The following SYNE1 variants were observed in gnomAD, a reference collection of about 807,000 sequenced individuals.
SYNE1 encodes nesprin-1.
SYNE1 carries 616 observed loss-of-function variants against 1,111.0 expected under a neutral mutation model. That is an observed-to-expected ratio of 0.55 (90% CI 0.52 to 0.59). SYNE1 has a LOEUF of 0.59. Ranked by LOEUF, SYNE1 falls within the 20% of genes least tolerant of loss-of-function variation. The pLI, the probability that SYNE1 is intolerant of heterozygous loss-of-function variation, is 0.00. For missense variants in SYNE1, 10,006 were observed against 10,417.0 expected (o/e 0.96, Z 1.72); for synonymous variants, 3,855 against 3,825.8 (o/e 1.01, Z -0.28).
chr6:152,177,878 C>T (rs765201004), intron 129 of SYNE1, among the ~76,000 whole-genome samples: 1 of 152,108 alleles, frequency 6.6e-6, no homozygotes, highest in Non-Finnish European at 1.5e-5. Flanking sequence ...ACACTAATAT[C>T]TTGGCTTCAA....
chr6:152,544,555 A>G (rs200348956), intron 3 of SYNE1, among the ~76,000 whole-genome samples: 3,791 of 151,378 alleles, frequency 0.025, 149 homozygotes, highest in African/African-American at 0.085. Flanking sequence ...AAAAAAAAAA[A>G]GGGTTCTGGC....
rs755883422 is a variant in SYNE1 at position 152,300,722 on chromosome 6, C to T, written c.17601G>A (p.Glu5867=). 3 of 1,614,186 alleles carry T rather than the reference C, an allele frequency of 1.9e-6. No individual in the cohort carries two copies. The highest frequency in any genetic ancestry group is 2.5e-6 in the Non-Finnish European group (3 of 1,180,044). The change falls in exon 93 of 146, where the codon GAG becomes GAA. Residue 5867 remains glutamate, a synonymous_variant. Coordinates refer to ENST00000367255, the MANE Select transcript of SYNE1 (RefSeq NM_182961.4). ...GAGAGGAAATCTCACTGTTGGTTCC[C>T]TCCTCCCCAGACTCCTCAGTGACCG... ...LSPVTEESGE[E]GTNSEISSPP...
intron 32 of SYNE1, among the ~76,000 whole-genome samples, chr6:152,437,561 C>A (rs1345614038): frequency 2.0e-5 from 3 of 151,870 alleles, no homozygotes; most frequent in South Asian, 2.1e-4. Flanking sequence ...GTTGAAAATA[C>A]TTATTTTCAA....
chr6:152,232,255 TC>T lies in SYNE1; in HGVS notation c.20722del (p.Asp6908IlefsTer13), dbSNP rs1273420228. 1 of 1,613,856 alleles carries T rather than the reference TC, an allele frequency of 6.2e-7. No individual in the cohort carries two copies. Among genetic ancestry groups the T allele is most frequent in the Non-Finnish European group, 8.5e-7 (1 of 1,179,934 alleles). On this transcript the variant is annotated frameshift_variant, in exon 113 of 146. Transcript: ENST00000367255. LOFTEE classifies it high-confidence loss of function. Reference sequence around the variant, plus strand: ...AATGGCATGGCGGGAAGGCAGTTTATCCATCTGGAGCTGTCCAAGTCAGGGA... The same window carrying T: ...AATGGCATGGCGGGAAGGCAGTTTATCATCTGGAGCTGTCCAAGTCAGGGA... ...VQEKLHQLQM[D>X]KLPSRHAISE...
intron 123 of SYNE1, 27 bp downstream of exon 123, chr6:152,213,585 A>G: frequency 6.2e-7 from 1 of 1,613,800 alleles, no homozygotes; most frequent in Non-Finnish European, 8.5e-7. Context: ...ATTTCTTATT[A>G]CCCCCAAATC....
intron 93 of SYNE1, among the ~76,000 whole-genome samples, chr6:152,299,663 A>G (rs532315831): frequency 5.9e-5 from 9 of 152,052 alleles, no homozygotes; most frequent in East Asian, 1.9e-4. Context: ...TGTATTAACT[A>G]AAGGTTTCAT....
intron 103 of SYNE1, 104 bp from the exon 104 acceptor site, chr6:152,255,193 A>G (rs2090512619): frequency 3.0e-6 from 3 of 1,002,040 alleles, no homozygotes; most frequent in Non-Finnish European, 4.5e-6. Context: ...CTGGCTGCTT[A>G]GTAATAATCA....
chr6:152,502,791 A>C, intron 9 of SYNE1, 49 bp from the exon 10 acceptor site: 1 of 1,346,310 alleles, frequency 7.4e-7, no homozygotes, highest in Non-Finnish European at 1.1e-6. Flanking sequence ...CATTCATTGG[A>C]TTTTGATAAT....
intron 128 of SYNE1, among the ~76,000 whole-genome samples, chr6:152,188,270 T>C (rs909818413): frequency 1.3e-5 from 2 of 152,204 alleles, no homozygotes; most frequent in South Asian, 4.1e-4. Context: ...AGGGCCCTGC[T>C]TCCTGGAGAA....
rs1554414122 is a variant in SYNE1 at position 152,145,541 on chromosome 6, CG to C, written c.24977-1777del. On this transcript the variant is annotated intron_variant, in intron 137 of 145. Coordinates refer to ENST00000367255, the MANE Select transcript of SYNE1 (RefSeq NM_182961.4). The stretch of plus-strand genomic sequence containing the variant: ...AGTTTTACATAGGCCTCAGGGCTTT[CG>C]GGGATCATTACATCTGCAAAAAAAG... The C allele has an allele frequency of 6.2e-7, 1 of 1,613,876 alleles. No homozygotes were observed.
At chr6:152,236,357 A>G in intron 109 of SYNE1, 54 bp from the exon 110 acceptor site, 1 of 1,323,936 alleles carries the variant, frequency 7.6e-7, no homozygotes, top group Admixed American at 1.8e-5. Flanking sequence ...TTTTGTCTTT[A>G]AGAATTATAA....
At chr6:152,360,992 G>A (rs1266006166) in intron 64 of SYNE1, among the ~76,000 whole-genome samples, 1 of 152,174 alleles carries the variant, frequency 6.6e-6, no homozygotes, top group Non-Finnish European at 1.5e-5. Flanking sequence ...TTGATAAAGA[G>A]CTTTGAACCA....
intron 51 of SYNE1, among the ~76,000 whole-genome samples, chr6:152,393,914 T>G (rs1025359840): frequency 6.6e-6 from 1 of 152,174 alleles, no homozygotes; most frequent in African/African-American, 2.4e-5. Flanking sequence ...GCCATGGTGG[T>G]TTGCTGCACC....
intron 67 of SYNE1, 21 bp downstream of exon 67, chr6:152,354,638 A>G (rs1396493035): frequency 1.9e-6 from 3 of 1,612,628 alleles, no homozygotes; most frequent in Non-Finnish European, 2.5e-6. Flanking sequence ...GACAAAGATC[A>G]GGAATCTACA....
In SYNE1 at chr6:152,350,624, T is replaced by C. The variant is rs367946740; in HGVS notation, c.11727A>G (p.Ile3909Met). 13 of 1,614,214 alleles carry C rather than the reference T, an allele frequency of 8.1e-6. No homozygotes were observed. Among genetic ancestry groups the C allele is most frequent in the East Asian group, 4.5e-5 (2 of 44,880 alleles). Reference sequence around the variant, plus strand: ...GTCTTTCATCTCTCCTTACCTTTCCTATGCTGCACAGGTCCTGGTAATCAC... The same window carrying C: ...GTCTTTCATCTCTCCTTACCTTTCCCATGCTGCACAGGTCCTGGTAATCAC... The part of the protein sequence containing the change: ...LQSDYQDLCS[I>M]GKEHVFSLEA... The change falls in exon 71 of 146, where the codon ATA (isoleucine) becomes ATG (methionine). Residue 3909 changes from isoleucine (I) to methionine (M), a missense_variant. Coordinates refer to ENST00000367255, the MANE Select transcript of SYNE1 (RefSeq NM_182961.4).
chr6:152,168,846 A>G (rs2064353655), intron 130 of SYNE1, among the ~76,000 whole-genome samples: 1 of 152,192 alleles, frequency 6.6e-6, no homozygotes, highest in African/African-American at 2.4e-5. Context: ...TTTGTCCTTT[A>G]AAAATAATCA....
intron 27 of SYNE1, among the ~76,000 whole-genome samples, chr6:152,449,896 G>A (rs1010423797): frequency 6.6e-5 from 10 of 152,186 alleles, no homozygotes; most frequent in Admixed American, 2.0e-4. Flanking sequence ...TAGGGAATGA[G>A]CACCTGAAAA....
intron 145 of SYNE1, among the ~76,000 whole-genome samples, chr6:152,124,099 G>A (rs189395038): frequency 5.9e-5 from 9 of 152,292 alleles, no homozygotes; most frequent in Admixed American, 2.6e-4. Context: ...TGAGGTTGGC[G>A]GATCACTTGA....
At position 152,132,070 on chromosome 6, in the gene SYNE1, T is replaced by C. The variant is rs1469237856; in HGVS notation, c.26094+52A>G. The C allele has an allele frequency of 2.0e-6, 3 of 1,531,916 alleles. No homozygotes were observed. In the African/African-American group the frequency reaches 4.1e-5, roughly 21 times the overall value. The allele number at this position is 1,531,916 out of a possible 1,614,324, so 94.9% of individuals were successfully genotyped here. ...CTGTGGTGGGTGCAAATACTGTCACTTCCCAGTGTTCACTCCCATGGGCCA... is the reference window on the plus strand; with the variant it reads ...CTGTGGTGGGTGCAAATACTGTCACCTCCCAGTGTTCACTCCCATGGGCCA... On this transcript the variant is annotated intron_variant, in intron 144 of 145. Coordinates refer to ENST00000367255, the MANE Select transcript of SYNE1 (RefSeq NM_182961.4).
Sources: allele counts gnomAD v4.1 joint callset (sites outside exome capture counted in the v4.1 genomes callset), GRCh38; gene constraint gnomAD v4.1.1; transcripts MANE v1.5; gene names NCBI Gene and HGNC (gene_info 2026-07-23, HGNC 2026-07-21).